The following BCAN variants were observed in gnomAD, a reference collection of about 807,000 sequenced individuals.
BCAN encodes the protein brevican.
BCAN carries 51 observed loss-of-function variants against 92.4 expected under a neutral mutation model. The observed-to-expected ratio is 0.55, with a 90% CI of 0.44 to 0.70. BCAN has a LOEUF of 0.70. BCAN is among the 30% of genes least tolerant of loss of function. The pLI is 0.00. For missense variants in BCAN, 1,140 were observed against 1,212.1 expected, an observed-to-expected ratio of 0.94 and a Z score of 0.88; for synonymous variants, 501 against 505.2, an observed-to-expected ratio of 0.99 and a Z score of 0.11.
chr1:156,647,393 G>T lies in BCAN; in HGVS notation c.467-115G>T. 8.2e-7 allele frequency: 1 copy of T among 1,222,762 alleles called. No homozygotes were observed. The highest frequency in any genetic ancestry group is 2.4e-5 in the East Asian group (1 of 41,270). 75.7% of individuals were successfully genotyped at this position (1,222,762 alleles called of 1,614,324 possible). ...TCTAACTTAAGTCCCTCATGCTGTA[G>T]AGTGAGCACAATTGAACTTTATTTA... On this transcript the variant is annotated intron_variant, in intron 3 of 13. Coordinates refer to ENST00000329117, the MANE Select transcript of BCAN (RefSeq NM_021948.5). This position sits in a 1 kb window ranked among gnomAD's most constrained non-coding sequence, Gnocchi z 4.8.
chr1:156,648,249 C>A, intron 5 of BCAN, 139 bp downstream of exon 5: 4 of 1,254,628 alleles, frequency 3.2e-6, no homozygotes, highest in Non-Finnish European at 4.4e-6. Context: ...AATTGGTGTC[C>A]CTCTCTCCAA....
Position 156,647,889 on chromosome 1 carries a change from T to C in BCAN, c.642-94T>C. 1 of 1,578,184 alleles carries C rather than the reference T, an allele frequency of 6.3e-7. No individual in the cohort carries two copies. The highest frequency in any genetic ancestry group is 8.7e-7 in the Non-Finnish European group (1 of 1,147,956). On this transcript the variant is annotated intron_variant, in intron 4 of 13. Coordinates refer to ENST00000329117, the MANE Select transcript of BCAN (RefSeq NM_021948.5). The surrounding 1 kb of genome is among the most constrained non-coding windows in gnomAD (Gnocchi z 4.8). Reference sequence around the variant, plus strand: ...GGACAGCCAGCTGTCAGCAAGTGTCTGCACTGTGGTGGCAGTGGGGTTCAA... The same window carrying C: ...GGACAGCCAGCTGTCAGCAAGTGTCCGCACTGTGGTGGCAGTGGGGTTCAA...
intron 7 of BCAN, 125 bp downstream of exon 7, chr1:156,651,814 AG>A (rs1679175042): frequency 1.2e-6 from 1 of 856,862 alleles, no homozygotes; most frequent in Non-Finnish European, 1.8e-6. Context: ...TCAGTAGCTC[AG>A]GGGTGCAGGG....
chr1:156,651,011 G>A (rs1679143412), intron 6 of BCAN, among the ~76,000 whole-genome samples: 1 of 152,158 alleles, frequency 6.6e-6, no homozygotes, highest in Non-Finnish European at 1.5e-5. Flanking sequence ...TCACAAGGTG[G>A]TAAAGCTATT....
At position 156,648,256 on chromosome 1, in the gene BCAN, C is replaced by A. The variant is rs1189465959; in HGVS notation, c.769+146C>A. 4 of 1,227,428 alleles carry A rather than the reference C, an allele frequency of 3.3e-6. No individual in the cohort carries two copies. The Admixed American group carries it at 9.0e-5, about 28-fold the overall frequency. The allele number at this position is 1,227,428 out of a possible 1,614,324, so 76.0% of individuals were successfully genotyped here. On this transcript the variant is annotated intron_variant, in intron 5 of 13. Transcript: ENST00000329117. ...AAGGAGACAATTGGTGTCCCTCTCT[C>A]CAAACACTGTCACAGAGGCAAGCTC...
In BCAN at chr1:156,658,740, G is replaced by A; in HGVS notation, c.2628+7G>A. The A allele has an allele frequency of 6.2e-7, 1 of 1,613,854 alleles. No homozygotes were observed. Among genetic ancestry groups the A allele is most frequent in the Non-Finnish European group, 8.5e-7 (1 of 1,179,956 alleles). ...CTGTGTGCCCAGAAGACCTGTGAGTGCCAGGAAGAGGCAGGTGGGAGTGGG... is the reference window on the plus strand; with the variant it reads ...CTGTGTGCCCAGAAGACCTGTGAGTACCAGGAAGAGGCAGGTGGGAGTGGG... On this transcript the variant is annotated splice_region_variant and intron_variant, in intron 13 of 13. Coordinates refer to ENST00000329117, the MANE Select transcript of BCAN (RefSeq NM_021948.5). The surrounding 1 kb of genome is among the most constrained non-coding windows in gnomAD (Gnocchi z 4.4).
chr1:156,648,222 A>G, intron 5 of BCAN, 112 bp downstream of exon 5: 1 of 1,402,284 alleles, frequency 7.1e-7, no homozygotes, highest in Non-Finnish European at 9.8e-7. Context: ...TAAGGGGGCA[A>G]GCAGGAGTAA....
rs747261515 is a variant in BCAN at position 156,652,513 on chromosome 1, A to T, written c.1563A>T (p.Pro521=). 22 of 1,611,586 alleles carry T rather than the reference A, an allele frequency of 1.4e-5. No individual in the cohort carries two copies. The highest frequency in any genetic ancestry group is 5.0e-5 in the Admixed American group (3 of 59,584). Reference sequence around the variant, plus strand: ...CAGTCCTGCAGCCTGGTGCATCACCACTTCCTGATGGAGAGTCAGAAGCTT... The same window carrying T: ...CAGTCCTGCAGCCTGGTGCATCACCTCTTCCTGATGGAGAGTCAGAAGCTT... ...ARAVLQPGAS[P]LPDGESEASR... Residue 521 remains proline (P), a synonymous_variant, in exon 8 of 14, where the codon CCA becomes CCT. Coordinates refer to ENST00000329117, the MANE Select transcript of BCAN (RefSeq NM_021948.5).
chr1:156,658,226 G>T lies in BCAN; in HGVS notation c.2392G>T (p.Val798Leu), dbSNP rs762198822. 3 of 1,614,066 alleles carry T rather than the reference G, an allele frequency of 1.9e-6. No homozygotes were observed. The Admixed American group carries it at 5.0e-5, about 27-fold the overall frequency. Residue 798 changes from valine (V) to leucine (L), a missense_variant, in exon 12 of 14, where the codon GTG (valine) becomes TTG (leucine). By Grantham distance (32) the Val-to-Leu change is conservative. Transcript: ENST00000329117. The surrounding 1 kb of genome is among the most constrained non-coding windows in gnomAD (Gnocchi z 4.4). The part of the protein sequence containing the change: ...VWHDQGQWSD[V>L]PCNYHLSYTC... ...GCATGATCAGGGACAATGGAGTGAC[G>T]TGCCCTGCAACTACCACCTGTCCTA... is the stretch of plus-strand genomic sequence containing the variant.
intron 10 of BCAN, 35 bp from the exon 11 acceptor site, chr1:156,657,640 G>C: frequency 6.4e-7 from 1 of 1,564,240 alleles, no homozygotes; most frequent in Non-Finnish European, 8.7e-7. Context: ...CCATCTGCTG[G>C]CGGCTGCGCT....
intron 1 of BCAN, chr1:156,643,926 T>C (rs1678879200): frequency 6.6e-6 from 1 of 151,556 alleles, no homozygotes; most frequent in African/African-American, 2.4e-5. Flanking sequence ...GAAGAGGAAG[T>C]GGAGATGAGT....
rs773047689 is a variant in BCAN at position 156,652,419 on chromosome 1, G to A, written c.1469G>A (p.Gly490Asp). 8.7e-6 allele frequency: 14 copies of A among 1,605,200 alleles called. No homozygotes were observed. The highest frequency in any genetic ancestry group is 1.2e-5 in the Non-Finnish European group (14 of 1,175,510). Residue 490 changes from glycine (G) to aspartate (D), a missense_variant, in exon 8 of 14, where the codon GGC (glycine) becomes GAC (aspartate). Physicochemically the swap from Gly to Asp is moderately conservative, Grantham distance 94. Transcript: ENST00000329117. ...TGGCCCAGCGAGCTCAGCAGCCCGG[G>A]CCCTGAGGCCTCTCTCCCCACTGAG... ...WAWPSELSSP[G>D]PEASLPTEPA...
chr1:156,656,720 G>C (rs1379462747), intron 9 of BCAN: 8 of 617,310 alleles, frequency 1.3e-5, no homozygotes, highest in Middle Eastern at 4.4e-4. Flanking sequence ...CCCTCACCCT[G>C]GTTCCTGTCT....
intron 10 of BCAN, chr1:156,657,319 T>C (rs1571452785): frequency 1.4e-6 from 1 of 690,552 alleles, no homozygotes; most frequent in South Asian, 2.2e-5. Flanking sequence ...CGCAGTAGAG[T>C]GCGCCTGTGT....
In BCAN at chr1:156,658,639, G is replaced by A. The variant is rs1249278577; in HGVS notation, c.2534G>A (p.Arg845Gln). The A allele has an allele frequency of 1.4e-5, 23 of 1,614,036 alleles. No homozygotes were observed. The highest frequency in any genetic ancestry group is 1.7e-5 in the Non-Finnish European group (20 of 1,180,052). Residue 845 changes from arginine (R) to glutamine (Q), a missense_variant, in exon 13 of 14, where the codon CGG (arginine) becomes CAG (glutamine). This residue lies in a region of BCAN where 825 missense variants were observed against 871.8 expected (regional missense o/e 0.95). Coordinates refer to ENST00000329117, the MANE Select transcript of BCAN (RefSeq NM_021948.5). This position sits in a 1 kb window ranked among gnomAD's most constrained non-coding sequence, Gnocchi z 4.4. ...GACACTGTGCTTCGCTACCGGTGCC[G>A]GGAAGGACTGGCCCAGCGCAATCTG... ...EVDTVLRYRCREGLAQRNLPL... is the reference protein window; with the variant it reads ...EVDTVLRYRCQEGLAQRNLPL...
chr1:156,658,209 A>C lies in BCAN; in HGVS notation c.2375A>C (p.Gln792Pro), dbSNP rs1410058905. Reference sequence around the variant, plus strand: ...TGCGTGGTCATGGTGTGGCATGATCAGGGACAATGGAGTGACGTGCCCTGC... The same window carrying C: ...TGCGTGGTCATGGTGTGGCATGATCCGGGACAATGGAGTGACGTGCCCTGC... ...ENCVVMVWHDQGQWSDVPCNY... is the reference protein window; with the variant it reads ...ENCVVMVWHDPGQWSDVPCNY... Residue 792 changes from glutamine (Q) to proline (P), a missense_variant, in exon 12 of 14, where the codon CAG (glutamine) becomes CCG (proline). Physicochemically the swap from Gln to Pro is moderately conservative, Grantham distance 76. Around this residue, in one of 3 missense-constraint regions of BCAN, gnomAD observed 825 missense variants for 871.8 expected, o/e 0.95. Coordinates refer to ENST00000329117, the MANE Select transcript of BCAN (RefSeq NM_021948.5). This position sits in a 1 kb window ranked among gnomAD's most constrained non-coding sequence, Gnocchi z 4.4. The C allele has an allele frequency of 6.2e-7, 1 of 1,614,138 alleles. No homozygotes were observed. The highest frequency in any genetic ancestry group is 8.5e-7 in the Non-Finnish European group (1 of 1,180,030).
intron 8 of BCAN, 100 bp from the exon 9 acceptor site, chr1:156,656,182 A>G: frequency 1.4e-6 from 1 of 726,630 alleles, no homozygotes. Flanking sequence ...CAGGACAGAG[A>G]GACCAGGGCT....
In BCAN at chr1:156,648,797, C is replaced by T. The variant is rs1424367910; in HGVS notation, c.999C>T (p.Phe333=). Residue 333 remains phenylalanine, a synonymous_variant, in exon 6 of 14, where the codon TTC becomes TTT. Transcript: ENST00000329117. The stretch of plus-strand genomic sequence containing the variant: ...GCTTGCCTGGTGTCAAGACTCTCTT[C>T]CTCTTCCCCAACCAGACTGGCTTCC... The part of the protein sequence containing the change: ...GGGLPGVKTL[F]LFPNQTGFPN... 1 of 1,600,530 alleles carries T rather than the reference C, an allele frequency of 6.2e-7. No individual in the cohort carries two copies. The highest frequency in any genetic ancestry group is 8.6e-7 in the Non-Finnish European group (1 of 1,168,918).
Position 156,656,326 on chromosome 1 carries a change from G to C in BCAN, c.1987G>C (p.Glu663Gln). 3 of 1,439,966 alleles carry C rather than the reference G, an allele frequency of 2.1e-6. No homozygotes were observed. Among genetic ancestry groups the C allele is most frequent in the Non-Finnish European group, 2.7e-6 (3 of 1,102,568 alleles). 89.2% of individuals were successfully genotyped at this position (1,439,966 alleles called of 1,614,324 possible). A position where few individuals can be genotyped will look rare whatever the true frequency, so the allele number is the denominator to read the frequency against. Residue 663 changes from glutamate (E) to glutamine (Q), a missense_variant, in exon 9 of 14, where the codon GAG becomes CAG. Around this residue, in one of 3 missense-constraint regions of BCAN, gnomAD observed 825 missense variants for 871.8 expected, o/e 0.95. Coordinates refer to ENST00000329117, the MANE Select transcript of BCAN (RefSeq NM_021948.5). Reference sequence around the variant, plus strand: ...CTGCCACAATGGTGGGACATGCTTGGAGGAGGAGGAAGGGGTCCGCTGCCT... The same window carrying C: ...CTGCCACAATGGTGGGACATGCTTGCAGGAGGAGGAAGGGGTCCGCTGCCT... ...SPCHNGGTCL[E>Q]EEEGVRCLCL...
Sources: gnomAD v4.1 joint callset for allele counts (sites outside exome capture counted in the v4.1 genomes callset) on GRCh38, gnomAD v4.1.1 for gene constraint, gnomAD v4.1.1 regional missense constraint, Gnocchi (gnomAD v3.1) non-coding constraint, MANE v1.5 for transcripts, NCBI Gene and HGNC (gene_info 2026-07-23, HGNC 2026-07-21) for gene names.